Variants in LRRC4C observed in about 807,000 individuals in gnomAD.
The protein encoded by LRRC4C is leucine-rich repeat-containing protein 4C.
Under a neutral mutation model 33.6 loss-of-function variants are expected in LRRC4C, and 5 were observed. The observed-to-expected ratio is 0.15, with a 90% confidence interval of 0.08 to 0.31. The LOEUF (loss-of-function observed/expected upper bound fraction) is 0.31. Among genes scored for constraint, LRRC4C ranks in the 10% least tolerant of loss-of-function variants. LRRC4C has a pLI of 1.00. For missense variants in LRRC4C, 560 were observed against 796.7 expected (o/e 0.70, Z 3.58); for synonymous variants, 329 against 302.0 (o/e 1.09, Z -0.93).
chr11:40,872,279 G>C (rs1400030440), intron 2 of LRRC4C, among the ~76,000 whole-genome samples: 2 of 150,440 alleles, frequency 1.3e-5, no homozygotes, highest in Admixed American at 6.7e-5. Flanking sequence ...TCTCAAAATA[G>C]TCCTGGCTCT....
intron 1 of LRRC4C, among the ~76,000 whole-genome samples, chr11:41,273,334 G>A (rs887941356): frequency 3.7e-4 from 56 of 152,192 alleles, no homozygotes; most frequent in African/African-American, 1.3e-3. Flanking sequence ...GTCAACATAT[G>A]AAAGCAACCT....
At chr11:41,401,055 T>C (rs1218418512) in intron 1 of LRRC4C, among the ~76,000 whole-genome samples, 1 of 151,808 alleles carries the variant, frequency 6.6e-6, no homozygotes, top group Non-Finnish European at 1.5e-5. Flanking sequence ...CCAAATATTG[T>C]AATATGATAA....
chr11:40,702,399 C>T (rs1324241559), intron 2 of LRRC4C, among the ~76,000 whole-genome samples: 1 of 152,084 alleles, frequency 6.6e-6, no homozygotes, highest in Non-Finnish European at 1.5e-5. Flanking sequence ...TTTAAGTTTG[C>T]CACCTCTCTC....
chr11:40,410,164 G>A (rs1459576473), intron 3 of LRRC4C, among the ~76,000 whole-genome samples: 1 of 151,802 alleles, frequency 6.6e-6, no homozygotes, highest in Non-Finnish European at 1.5e-5. Flanking sequence ...CTGACCATTA[G>A]TCTAGAAACA....
At chr11:41,147,850 G>C (rs767897199) in intron 1 of LRRC4C, among the ~76,000 whole-genome samples, 17 of 152,124 alleles carry the variant, frequency 1.1e-4, no homozygotes, top group Non-Finnish European at 2.5e-4. Flanking sequence ...AATACTTTGG[G>C]AGGCTGAGGC....
At chr11:40,255,257 G>A (rs1263586104) in intron 4 of LRRC4C, among the ~76,000 whole-genome samples, 2 of 152,104 alleles carry the variant, frequency 1.3e-5, no homozygotes, top group African/African-American at 4.8e-5. Context: ...CCCCGACGCA[G>A]TCTGGGATGT....
intron 3 of LRRC4C, among the ~76,000 whole-genome samples, chr11:40,647,113 T>G (rs746733876): frequency 2.0e-5 from 3 of 152,332 alleles, no homozygotes; most frequent in Non-Finnish European, 2.9e-5. Flanking sequence ...AAGAAAGGGT[T>G]ATCTTTTGGG....
intron 1 of LRRC4C, among the ~76,000 whole-genome samples, chr11:41,401,900 T>C (rs557059512): frequency 7.8e-4 from 119 of 152,160 alleles, no homozygotes; most frequent in Non-Finnish European, 1.5e-3. Flanking sequence ...TTGCATTCTC[T>C]AATTCATTTC....
chr11:40,296,716 G>A (rs565350159), intron 4 of LRRC4C, among the ~76,000 whole-genome samples: 1 of 152,220 alleles, frequency 6.6e-6, no homozygotes, highest in East Asian at 1.9e-4. Context: ...AAACCAAATT[G>A]TTGCTGAAAA....
intron 2 of LRRC4C, among the ~76,000 whole-genome samples, chr11:40,801,735 AAC>A (rs1951051284): frequency 6.6e-6 from 1 of 152,164 alleles, no homozygotes; most frequent in African/African-American, 2.4e-5. Context: ...TTAGGTCACA[AAC>A]AGTTGAGTAC....
chr11:40,221,029 C>T (rs1864375926), intron 5 of LRRC4C, among the ~76,000 whole-genome samples: 1 of 152,046 alleles, frequency 6.6e-6, no homozygotes, highest in South Asian at 2.1e-4. Context: ...TCGTCGGCCA[C>T]CATGCCCAGC....
At chr11:40,829,944 A>T (rs1162671537) in intron 2 of LRRC4C, among the ~76,000 whole-genome samples, 1 of 152,066 alleles carries the variant, frequency 6.6e-6, no homozygotes, top group East Asian at 1.9e-4. Context: ...AAAAATAAAT[A>T]TTATTGCCTC....
At chr11:40,686,550 T>C (rs1944965735) in intron 2 of LRRC4C, among the ~76,000 whole-genome samples, 1 of 151,940 alleles carries the variant, frequency 6.6e-6, no homozygotes, top group Non-Finnish European at 1.5e-5. Flanking sequence ...CTCTAATAGG[T>C]AGCCAGAGTC....
chr11:41,419,095 A>C (rs1350789778), intron 1 of LRRC4C, among the ~76,000 whole-genome samples: 1 of 151,972 alleles, frequency 6.6e-6, no homozygotes, highest in Non-Finnish European at 1.5e-5. Context: ...GGCAAAGTAC[A>C]GATGGAACAA....
intron 3 of LRRC4C, among the ~76,000 whole-genome samples, chr11:40,578,333 A>G (rs1958312712): frequency 1.3e-5 from 2 of 151,696 alleles, no homozygotes; most frequent in Non-Finnish European, 2.9e-5. Context: ...CAGAAAATGC[A>G]ACTAAGGAAT....
intron 1 of LRRC4C, among the ~76,000 whole-genome samples, chr11:41,100,305 G>A (rs997168166): frequency 5.9e-5 from 9 of 152,132 alleles, no homozygotes; most frequent in Admixed American, 5.2e-4. Flanking sequence ...GGTGGCTCAC[G>A]ACTGTAATTA....
intron 1 of LRRC4C, among the ~76,000 whole-genome samples, chr11:41,211,914 C>T (rs1946840386): frequency 6.6e-6 from 1 of 152,214 alleles, no homozygotes; most frequent in East Asian, 1.9e-4. Context: ...ACACTATCTT[C>T]CACAATGGTT....
At chr11:40,990,219 G>T (rs965999819) in intron 1 of LRRC4C, among the ~76,000 whole-genome samples, 1 of 116,080 alleles carries the variant, frequency 8.6e-6, no homozygotes, top group African/African-American at 3.3e-5. Context: ...TATTTGAATA[G>T]TATGTCAAGT....
chr11:40,439,873 T>G lies in LRRC4C; in HGVS notation c.-269-120152A>C, dbSNP rs111388851. Among the ~76,000 whole-genome samples, 1,270 of 152,308 alleles carry G rather than the reference T, an allele frequency of 8.3e-3. 3 individuals carry two copies. Among genetic ancestry groups the G allele is most frequent in the Non-Finnish European group, 0.013 (854 of 68,024 alleles). On this transcript the variant is annotated intron_variant, in intron 3 of 6. Coordinates refer to ENST00000528697, the MANE Select transcript of LRRC4C (RefSeq NM_001258419.2). ...CTACAACTAGTCATGTGGGAAAGCC[T>G]CAAGCAGCAGCCTGCTAGACCAAGG... is the stretch of plus-strand genomic sequence containing the variant.
Sources: gnomAD v4.1 joint callset for allele counts (sites outside exome capture counted in the v4.1 genomes callset) on GRCh38, gnomAD v4.1.1 for gene constraint, MANE v1.5 for transcripts, NCBI Gene and HGNC (gene_info 2026-07-23, HGNC 2026-07-21) for gene names.